Variants in CNTNAP2 observed in about 807,000 individuals in gnomAD.
CNTNAP2 encodes the protein contactin associated protein 2, also known as contactin-associated protein-like 2.
Under a neutral mutation model 155.2 loss-of-function variants are expected in CNTNAP2, and 98 were observed. The ratio of observed to expected loss-of-function variants is 0.63; its 90% CI spans 0.54 to 0.75. CNTNAP2 has a LOEUF of 0.75. CNTNAP2 is among the 30% of genes least tolerant of loss of function. The pLI, the probability that CNTNAP2 is intolerant of heterozygous loss-of-function variation, is 0.00. For missense variants in CNTNAP2, 1,727 were observed against 1,688.1 expected, an observed-to-expected ratio of 1.02 and a Z score of -0.40; for synonymous variants, 651 against 631.2, an observed-to-expected ratio of 1.03 and a Z score of -0.47.
intron 14 of CNTNAP2, among the ~76,000 whole-genome samples, chr7:147,946,373 A>G (rs900387642): frequency 6.6e-6 from 1 of 152,100 alleles, no homozygotes; most frequent in Non-Finnish European, 1.5e-5. Context: ...GGACAATGAC[A>G]TGGGGTAGAC....
intron 8 of CNTNAP2, among the ~76,000 whole-genome samples, chr7:147,262,846 G>T (rs769993620): frequency 1.3e-4 from 20 of 152,272 alleles, no homozygotes; most frequent in Non-Finnish European, 2.6e-4. Flanking sequence ...CAAGTACAAG[G>T]AAAGACGACT....
At chr7:148,253,114 T>C (rs999505589) in intron 20 of CNTNAP2, among the ~76,000 whole-genome samples, 2 of 150,998 alleles carry the variant, frequency 1.3e-5, no homozygotes, top group Non-Finnish European at 2.9e-5. Flanking sequence ...CAGTTTTGTA[T>C]AGATCAATCC....
intron 1 of CNTNAP2, among the ~76,000 whole-genome samples, chr7:146,246,230 T>G (rs934599498): frequency 1.3e-5 from 2 of 149,892 alleles, no homozygotes; most frequent in East Asian, 3.9e-4. Flanking sequence ...TACTTGTGGG[T>G]TAAGGTGGGG....
chr7:147,479,268 C>A (rs4725735), intron 10 of CNTNAP2, among the ~76,000 whole-genome samples: 120,677 of 151,516 alleles, frequency 0.8, 48,702 homozygotes, highest in African/African-American at 0.94. Context: ...CTATGATCTT[C>A]ATTCTGTACC....
At chr7:147,871,215 C>T (rs1799321511) in intron 13 of CNTNAP2, among the ~76,000 whole-genome samples, 1 of 152,010 alleles carries the variant, frequency 6.6e-6, no homozygotes, top group African/African-American at 2.4e-5. Flanking sequence ...ATATTTTAAC[C>T]ATGTGACTTG....
intron 1 of CNTNAP2, among the ~76,000 whole-genome samples, chr7:146,262,904 T>C (rs1450886514): frequency 1.3e-5 from 2 of 152,226 alleles, no homozygotes; most frequent in African/African-American, 4.8e-5. Context: ...AACTATCTGA[T>C]CCTTAAAACC....
intron 4 of CNTNAP2, among the ~76,000 whole-genome samples, chr7:147,079,073 C>A (rs1050503795): frequency 2.6e-5 from 4 of 152,054 alleles, no homozygotes; most frequent in African/African-American, 9.7e-5. Flanking sequence ...TGATGTCAAA[C>A]CTTAATTTAG....
At position 147,355,467 on chromosome 7, in the gene CNTNAP2, T is replaced by C. The variant is rs145052091; in HGVS notation, c.1499-40142T>C. Among the ~76,000 whole-genome samples the C allele has an allele frequency of 3.4e-3, 515 of 151,524 alleles. 4 individuals are homozygous for C. Among genetic ancestry groups the C allele is most frequent in the East Asian group, 0.022 (114 of 5,138 alleles). On this transcript the variant is annotated intron_variant, in intron 9 of 23. Coordinates refer to ENST00000361727, the MANE Select transcript of CNTNAP2 (RefSeq NM_014141.6). ...ATAGCAGAACTGAAGGAGATACAGATACAAAAAACCTTTCAAAAAAGCACG... is the reference window on the plus strand; with the variant it reads ...ATAGCAGAACTGAAGGAGATACAGACACAAAAAACCTTTCAAAAAAGCACG...
intron 14 of CNTNAP2, among the ~76,000 whole-genome samples, chr7:147,959,663 G>A (rs1397850898): frequency 6.6e-6 from 1 of 152,124 alleles, no homozygotes. Context: ...TAGAAAAGGG[G>A]TAGTAACTTT....
chr7:147,165,497 C>G (rs1212884110), intron 8 of CNTNAP2, among the ~76,000 whole-genome samples: 1 of 151,864 alleles, frequency 6.6e-6, no homozygotes, highest in Non-Finnish European at 1.5e-5. Context: ...CAGATAAGTC[C>G]CATCTATTTA....
chr7:146,388,157 A>G (rs950524857), intron 1 of CNTNAP2, among the ~76,000 whole-genome samples: 3 of 151,168 alleles, frequency 2.0e-5, no homozygotes, highest in African/African-American at 4.9e-5. Flanking sequence ...TTGGCCGGGC[A>G]TGAGGTCTCA....
intron 3 of CNTNAP2, among the ~76,000 whole-genome samples, chr7:146,880,382 C>T (rs1361736453): frequency 6.6e-6 from 1 of 151,848 alleles, no homozygotes; most frequent in East Asian, 1.9e-4. Flanking sequence ...AGGAAAAGGG[C>T]CCTCACTAGG....
intron 1 of CNTNAP2, among the ~76,000 whole-genome samples, chr7:146,737,084 G>A (rs1801633599): frequency 6.6e-6 from 1 of 151,958 alleles, no homozygotes; most frequent in African/African-American, 2.4e-5. Flanking sequence ...ATACTTCAAA[G>A]CATCCAAAAA....
At chr7:147,315,538 G>A (rs1480504966) in intron 9 of CNTNAP2, among the ~76,000 whole-genome samples, 1 of 148,792 alleles carries the variant, frequency 6.7e-6, no homozygotes, top group African/African-American at 2.5e-5. Flanking sequence ...CTGGAGTGCA[G>A]TGGCATGATC....
At chr7:147,910,767 G>A (rs1183342594) in intron 14 of CNTNAP2, among the ~76,000 whole-genome samples, 2 of 152,064 alleles carry the variant, frequency 1.3e-5, no homozygotes, top group Non-Finnish European at 2.9e-5. Context: ...ACAGTATGGG[G>A]GATACCACCC....
At chr7:147,479,228 A>G (rs570560495) in intron 10 of CNTNAP2, among the ~76,000 whole-genome samples, 1 of 152,364 alleles carries the variant, frequency 6.6e-6, no homozygotes, top group East Asian at 1.9e-4. Flanking sequence ...GTTATTCCAT[A>G]AAACTTCCAT....
At chr7:147,610,746 T>TAA (rs1382322963) in intron 12 of CNTNAP2, among the ~76,000 whole-genome samples, 2 of 151,996 alleles carry the variant, frequency 1.3e-5, no homozygotes, top group African/African-American at 2.4e-5. Context: ...GTTTGTTGGT[T>TAA]GGTTTGTTTT....
At chr7:146,722,117 T>C (rs991108984) in intron 1 of CNTNAP2, among the ~76,000 whole-genome samples, 7 of 151,630 alleles carry the variant, frequency 4.6e-5, no homozygotes, top group African/African-American at 1.7e-4. Context: ...TTTGAACTCC[T>C]GATGTCAGGT....
chr7:146,808,482 C>T (rs373177555), intron 2 of CNTNAP2, among the ~76,000 whole-genome samples: 45 of 152,222 alleles, frequency 3.0e-4, no homozygotes, highest in South Asian at 2.3e-3. Context: ...TCACTTCTGA[C>T]TTTGTAACTT....
Sources: gnomAD v4.1 joint callset for allele counts (sites outside exome capture counted in the v4.1 genomes callset) on GRCh38, gnomAD v4.1.1 for gene constraint, MANE v1.5 for transcripts, NCBI Gene and HGNC (gene_info 2026-07-23, HGNC 2026-07-21) for gene names.